KCNH1: variants seen among roughly 807,000 people sequenced by gnomAD.
KCNH1 encodes the protein voltage-gated delayed rectifier potassium channel KCNH1.
Under a neutral mutation model 69.2 loss-of-function variants are expected in KCNH1, and 27 were observed. The ratio of observed to expected loss-of-function variants is 0.39; its 90% CI spans 0.29 to 0.54. KCNH1 has a LOEUF of 0.54. Ranked by LOEUF, KCNH1 falls within the 20% of genes least tolerant of loss-of-function variation. The pLI is 0.68. For missense variants in KCNH1, 798 were observed against 1,261.6 expected (o/e 0.63, Z 5.57); for synonymous variants, 456 against 487.7 (o/e 0.93, Z 0.86).
chr1:210,758,303 G>T (rs370184108), intron 10 of KCNH1, among the ~76,000 whole-genome samples: 1 of 152,226 alleles, frequency 6.6e-6, no homozygotes, highest in East Asian at 1.9e-4. Context: ...TGAGTGGCAA[G>T]TGTGGAGAGT....
Position 210,684,025 on chromosome 1 carries a change from C to T in KCNH1, c.2226G>A (p.Gln742=). The change falls in exon 11 of 11, where the codon CAG becomes CAA. Residue 742 remains glutamine, a synonymous_variant. Coordinates refer to ENST00000271751, the MANE Select transcript of KCNH1 (RefSeq NM_172362.3). ...TGGCCTCTTTCTGCTGTCGGAATCT[C>T]TGGAAGAGGCGCCGGACAGGGTGGT... ...PPDHPVRRLF[Q]RFRQQKEARL... 6.3e-7 allele frequency: 1 copy of T among 1,587,704 alleles called. No individual in the cohort carries two copies. The highest frequency in any genetic ancestry group is 8.6e-7 in the Non-Finnish European group (1 of 1,162,774).
At chr1:210,984,203 A>G (rs956714854) in intron 6 of KCNH1, among the ~76,000 whole-genome samples, 1 of 152,198 alleles carries the variant, frequency 6.6e-6, no homozygotes, top group Admixed American at 6.5e-5. Flanking sequence ...TAGATATACA[A>G]TCATGTCATC....
intron 7 of KCNH1, among the ~76,000 whole-genome samples, chr1:210,840,494 G>T (rs1331156348): frequency 6.6e-6 from 1 of 152,192 alleles, no homozygotes; most frequent in Non-Finnish European, 1.5e-5. Flanking sequence ...AGGCAGGAGG[G>T]GGGCATTTGG....
intron 1 of KCNH1, among the ~76,000 whole-genome samples, chr1:211,122,833 G>A (rs1394102611): frequency 6.6e-6 from 1 of 152,090 alleles, no homozygotes; most frequent in Non-Finnish European, 1.5e-5. Context: ...TTGGGGGTGG[G>A]GGTAGAAGGG....
chr1:210,993,832 G>A (rs1055059244), intron 6 of KCNH1, among the ~76,000 whole-genome samples: 2 of 152,058 alleles, frequency 1.3e-5, no homozygotes, highest in Admixed American at 6.5e-5. Flanking sequence ...GTGAGAACAA[G>A]ATTTGTTCTC....
At chr1:210,860,178 T>C in intron 7 of KCNH1, 2 of 1,199,606 alleles carry the variant, frequency 1.7e-6, no homozygotes, top group Non-Finnish European at 1.2e-6. Flanking sequence ...TGGTATCAAC[T>C]GTTACATAAT....
chr1:210,704,625 T>C (rs1377256832), intron 10 of KCNH1, among the ~76,000 whole-genome samples: 6 of 152,226 alleles, frequency 3.9e-5, no homozygotes, highest in Admixed American at 6.5e-5. Flanking sequence ...CCTTATTTTG[T>C]ATAAATGAGA....
chr1:210,961,808 C>A (rs1574363694), intron 6 of KCNH1, among the ~76,000 whole-genome samples: 1 of 151,004 alleles, frequency 6.6e-6, no homozygotes, highest in Non-Finnish European at 1.5e-5. Flanking sequence ...CCATTGCACT[C>A]CAACCTGGGA....
chr1:211,011,255 G>T (rs559436025), intron 6 of KCNH1, among the ~76,000 whole-genome samples: 1 of 152,230 alleles, frequency 6.6e-6, no homozygotes, highest in African/African-American at 2.4e-5. Context: ...GTGTTAGTTT[G>T]CTGAGAATGA....
At chr1:211,020,007 C>G (rs937180733) in intron 5 of KCNH1, among the ~76,000 whole-genome samples, 7 of 151,708 alleles carry the variant, frequency 4.6e-5, no homozygotes, top group African/African-American at 9.7e-5. Context: ...ACAAGAAATA[C>G]TAAGAGGGAA....
chr1:210,898,669 C>G (rs1686923382), intron 7 of KCNH1, among the ~76,000 whole-genome samples: 1 of 140,198 alleles, frequency 7.1e-6, no homozygotes, highest in Non-Finnish European at 1.5e-5. Flanking sequence ...TTGGAGGGGG[C>G]AGGCGTGGCG....
chr1:210,813,813 G>A (rs1318420330), intron 7 of KCNH1, among the ~76,000 whole-genome samples: 1 of 152,196 alleles, frequency 6.6e-6, no homozygotes, highest in African/African-American at 2.4e-5. Context: ...GTTGTGGGAC[G>A]GACCTGGTGA....
intron 10 of KCNH1, among the ~76,000 whole-genome samples, chr1:210,693,583 C>T (rs1391726640): frequency 2.6e-5 from 4 of 152,304 alleles, no homozygotes; most frequent in African/African-American, 7.2e-5. Context: ...ACATACACAC[C>T]AGTTCATGAT....
chr1:210,803,749 C>T (rs111633560), intron 8 of KCNH1, among the ~76,000 whole-genome samples: 72 of 152,252 alleles, frequency 4.7e-4, no homozygotes, highest in African/African-American at 1.7e-3. Flanking sequence ...GGAAATACAC[C>T]CTGCCTTTCT....
chr1:211,032,194 C>A (rs1279309416), intron 5 of KCNH1, among the ~76,000 whole-genome samples: 1 of 152,132 alleles, frequency 6.6e-6, no homozygotes, highest in African/African-American at 2.4e-5. Context: ...CCTAGGAATA[C>A]AACTTACAAG....
intron 10 of KCNH1, among the ~76,000 whole-genome samples, chr1:210,723,361 A>G (rs1227463259): frequency 1.3e-5 from 2 of 152,090 alleles, no homozygotes; most frequent in Admixed American, 6.5e-5. Context: ...GCATCCATGG[A>G]GTCAATTGTG....
chr1:211,104,055 G>T (rs942165201), intron 2 of KCNH1, among the ~76,000 whole-genome samples: 1 of 152,192 alleles, frequency 6.6e-6, no homozygotes, highest in African/African-American at 2.4e-5. Flanking sequence ...AACTGCAAAG[G>T]CACAGAGGTG....
chr1:210,717,916 G>A (rs1682300286), intron 10 of KCNH1, among the ~76,000 whole-genome samples: 1 of 152,126 alleles, frequency 6.6e-6, no homozygotes, highest in African/African-American at 2.4e-5. Context: ...GACCAGGCCT[G>A]GCCAACATAG....
chr1:210,700,055 G>A (rs986471042), intron 10 of KCNH1, among the ~76,000 whole-genome samples: 4 of 152,156 alleles, frequency 2.6e-5, no homozygotes, highest in Non-Finnish European at 5.9e-5. Context: ...AGAATCCTCT[G>A]TCCTGCTACT....
Sources: allele counts gnomAD v4.1 joint callset (sites outside exome capture counted in the v4.1 genomes callset), GRCh38; gene constraint gnomAD v4.1.1; transcripts MANE v1.5; gene names NCBI Gene and HGNC (gene_info 2026-07-23, HGNC 2026-07-21).